ALMS1: variants seen among roughly 807,000 people sequenced by gnomAD.
ALMS1 encodes the protein ALMS1 centrosome and basal body associated protein.
Under a neutral mutation model 352.2 loss-of-function variants are expected in ALMS1, and 271 were observed. The observed-to-expected ratio is 0.77, with a 90% confidence interval of 0.70 to 0.85. ALMS1 has a LOEUF of 0.85. Among genes scored for constraint, ALMS1 ranks in the 40% least tolerant of loss-of-function variants. The probability of loss-of-function intolerance (pLI) is 0.00; values close to 1 mark genes in which losing one functional copy is unlikely to be tolerated. For synonymous variants in ALMS1, 1,865 were observed against 1,761.2 expected (o/e 1.06, Z -1.48); for missense variants, 5,445 against 4,870.7 (o/e 1.12, Z -3.51).
chr2:73,511,231 G>A (rs1287478634), intron 10 of ALMS1, among the ~76,000 whole-genome samples: 1 of 151,964 alleles, frequency 6.6e-6, no homozygotes. Flanking sequence ...CGCCACTGGA[G>A]TATGAAAAGA....
chr2:73,517,908 T>C (rs1241905140), intron 10 of ALMS1, among the ~76,000 whole-genome samples: 6 of 152,122 alleles, frequency 3.9e-5, no homozygotes, highest in Non-Finnish European at 7.4e-5. Context: ...TCCACCCACC[T>C]CAGCCTCCCA....
Position 73,448,994 on chromosome 2 carries a change from C to A in ALMS1, c.2467C>A (p.Gln823Lys), listed in dbSNP as rs201853697. The A allele has an allele frequency of 6.2e-7, 1 of 1,613,974 alleles. No homozygotes were observed. Among genetic ancestry groups the A allele is most frequent in the Non-Finnish European group, 8.5e-7 (1 of 1,179,980 alleles). ...AGAGAAGCTCCTTGTTTTCTACCAA[C>A]AGGCCTTGCTGGACAGCCATCTACC... ...HREKLLVFYQ[Q>K]ALLDSHLPEE... The change falls in exon 8 of 23, where the codon CAG becomes AAG. Residue 823 changes from glutamine (Q) to lysine (K), a missense_variant. By Grantham distance (53) the Gln-to-Lys change is moderately conservative (BLOSUM62 1). Transcript: ENST00000613296.
chr2:73,395,036 ATGTG>A (rs371753410), intron 1 of ALMS1, among the ~76,000 whole-genome samples: 9,208 of 103,588 alleles, frequency 0.089, 480 homozygotes, highest in Non-Finnish European at 0.12. Context: ...GTGTATATAT[ATGTG>A]TGTGTATATA....
intron 16 of ALMS1, among the ~76,000 whole-genome samples, chr2:73,593,135 G>A (rs1164905345): frequency 3.3e-5 from 5 of 151,210 alleles, no homozygotes; most frequent in Non-Finnish European, 5.9e-5. Context: ...ACTCTCCCAC[G>A]GACTAAGGAA....
At chr2:73,586,319 C>T (rs1380662961) in intron 16 of ALMS1, among the ~76,000 whole-genome samples, 1 of 152,088 alleles carries the variant, frequency 6.6e-6, no homozygotes, top group African/African-American at 2.4e-5. Context: ...AGCTCTTTGC[C>T]TAAGTCAATG....
chr2:73,522,622 C>T (rs1390647995), intron 11 of ALMS1, among the ~76,000 whole-genome samples: 3 of 152,052 alleles, frequency 2.0e-5, no homozygotes, highest in Admixed American at 2.0e-4. Context: ...GCGCGCACCA[C>T]CACGCCCAAC....
chr2:73,515,973 T>C (rs1234780276), intron 10 of ALMS1, among the ~76,000 whole-genome samples: 2 of 152,130 alleles, frequency 1.3e-5, no homozygotes, highest in South Asian at 2.1e-4. Flanking sequence ...AAAAAACTTC[T>C]TCACGACAAA....
At chr2:73,402,054 G>GT (rs1432602072) in intron 1 of ALMS1, among the ~76,000 whole-genome samples, 1 of 151,836 alleles carries the variant, frequency 6.6e-6, no homozygotes, top group African/African-American at 2.4e-5. Flanking sequence ...GTGTGTGAGT[G>GT]TGAGTGTATG....
At chr2:73,416,614 T>G (rs546805193) in intron 2 of ALMS1, among the ~76,000 whole-genome samples, 1 of 152,334 alleles carries the variant, frequency 6.6e-6, no homozygotes, top group African/African-American at 2.4e-5. Flanking sequence ...TTTTTATGGA[T>G]TCTGTACCAC....
rs756301830 is a variant in ALMS1, at chr2:73,385,931, G to GGAGGAA, written c.68_69insAGAGGA (p.Glu27_Glu28dup). ...AGGAGGAGGAGGAGGAGGAGGAGGAGGAGGAGGAGGAAGAGGAGGAGGCTG... is the reference window on the plus strand; with the variant it reads ...AGGAGGAGGAGGAGGAGGAGGAGGAGGAGGAAGAGGAGGAGGAAGAGGAGGAGGCTG... On this transcript the variant is annotated inframe_insertion, in exon 1 of 23. Transcript: ENST00000613296. The GGAGGAA allele has an allele frequency of 1.4e-4, 154 of 1,084,176 alleles. No individual in the cohort carries two copies. Among genetic ancestry groups the GGAGGAA allele is most frequent in the Non-Finnish European group, 2.0e-4 (147 of 726,440 alleles). The allele number at this position is 1,084,176 out of a possible 1,614,324, so 67.2% of individuals were successfully genotyped here.
At position 73,450,653 on chromosome 2, in the gene ALMS1, G is replaced by A. The variant is rs1671914516; in HGVS notation, c.4126G>A (p.Val1376Ile). ...TGACCAGACAACTGGCACACCAACT[G>A]TAACCTCTACTTCTTACTCACAACA... ...PVDQTTGTPTVTSTSYSQHTE... is the reference protein window; with the variant it reads ...PVDQTTGTPTITSTSYSQHTE... Residue 1376 changes from valine to isoleucine, a missense_variant, in exon 8 of 23, where the codon GTA (valine) becomes ATA (isoleucine). Coordinates refer to ENST00000613296, the MANE Select transcript of ALMS1 (RefSeq NM_001378454.1). 2.5e-6 allele frequency: 4 copies of A among 1,612,802 alleles called. No individual in the cohort carries two copies. The highest frequency in any genetic ancestry group is 1.7e-6 in the Non-Finnish European group (2 of 1,179,740).
At chr2:73,554,152 G>A (rs1005071036) in intron 13 of ALMS1, among the ~76,000 whole-genome samples, 3 of 149,478 alleles carry the variant, frequency 2.0e-5, no homozygotes, top group Non-Finnish European at 4.5e-5. Flanking sequence ...CCTCAAAAAA[G>A]TAAGAAGAAA....
At chr2:73,405,067 A>G (rs1046561454) in intron 1 of ALMS1, among the ~76,000 whole-genome samples, 4 of 151,094 alleles carry the variant, frequency 2.6e-5, no homozygotes, top group African/African-American at 9.7e-5. Flanking sequence ...AAGCACCACC[A>G]TGTCCAGCTA....
chr2:73,503,426 A>G (rs1307683344), intron 10 of ALMS1, among the ~76,000 whole-genome samples: 3 of 152,056 alleles, frequency 2.0e-5, no homozygotes, highest in African/African-American at 4.8e-5. Context: ...AAGGACATGA[A>G]CTCATCATTT....
intron 12 of ALMS1, among the ~76,000 whole-genome samples, chr2:73,544,947 C>T (rs184058170): frequency 6.6e-5 from 10 of 152,140 alleles, no homozygotes; most frequent in Admixed American, 3.3e-4. Flanking sequence ...TGAAATAAGC[C>T]AGTCTGCTTA....
intron 13 of ALMS1, among the ~76,000 whole-genome samples, chr2:73,554,303 A>G (rs990099286): frequency 6.6e-6 from 1 of 152,250 alleles, no homozygotes. Context: ...ATACCAGGAA[A>G]GATAAAATTG....
At chr2:73,556,753 AG>A (rs1674553787) in intron 13 of ALMS1, among the ~76,000 whole-genome samples, 1 of 151,350 alleles carries the variant, frequency 6.6e-6, no homozygotes, top group East Asian at 1.9e-4. Flanking sequence ...CCCCGGCTGG[AG>A]TGCAGTGGCA....
intron 12 of ALMS1, among the ~76,000 whole-genome samples, chr2:73,541,885 C>T (rs1392718901): frequency 6.6e-6 from 1 of 152,100 alleles, no homozygotes; most frequent in Non-Finnish European, 1.5e-5. Context: ...GATAGCTTAC[C>T]AACCAAAAAA....
At chr2:73,465,707 C>T (rs1307328030) in intron 9 of ALMS1, among the ~76,000 whole-genome samples, 1 of 151,120 alleles carries the variant, frequency 6.6e-6, no homozygotes, top group Non-Finnish European at 1.5e-5. Flanking sequence ...AGGAAACCTA[C>T]AAAATGGGAG....
Sources: gnomAD v4.1 joint callset for allele counts (sites outside exome capture counted in the v4.1 genomes callset) on GRCh38, gnomAD v4.1.1 for gene constraint, MANE v1.5 for transcripts, NCBI Gene and HGNC (gene_info 2026-07-23, HGNC 2026-07-21) for gene names.